The following KLRD1 variants were observed in gnomAD, a reference collection of about 807,000 sequenced individuals.
KLRD1 encodes the protein killer cell lectin like receptor D1.
Under a neutral mutation model 22.6 loss-of-function variants are expected in KLRD1, and 21 were observed. That is an observed-to-expected ratio of 0.93 (90% CI 0.66 to 1.34). KLRD1 has a LOEUF of 1.34. Ranked by LOEUF, KLRD1 falls within the 40% of genes most tolerant of loss-of-function variation. The pLI, the probability that KLRD1 is intolerant of heterozygous loss-of-function variation, is 0.00. For missense variants in KLRD1, 183 were observed against 208.6 expected, an observed-to-expected ratio of 0.88 and a Z score of 0.76; for synonymous variants, 59 against 71.1, an observed-to-expected ratio of 0.83 and a Z score of 0.85.
At chr12:10,279,602 G>A (rs937587486) in intron 1 of KLRD1, among the ~76,000 whole-genome samples, 7 of 151,964 alleles carry the variant, frequency 4.6e-5, no homozygotes, top group Admixed American at 3.9e-4. Context: ...TACAAATTAC[G>A]TTACCTAAAT....
At chr12:10,239,496 C>A (rs1949218024) in intron 1 of KLRD1, among the ~76,000 whole-genome samples, 1 of 134,622 alleles carries the variant, frequency 7.4e-6, no homozygotes, top group African/African-American at 2.7e-5. Context: ...TTCCTTCCTT[C>A]CTTCCTTCCC....
At chr12:10,314,315 T>G (rs1950170822) in intron 5 of KLRD1, among the ~76,000 whole-genome samples, 1 of 152,236 alleles carries the variant, frequency 6.6e-6, no homozygotes, top group Admixed American at 6.5e-5. Flanking sequence ...ACATGAGATT[T>G]GCAGCATCAC....
intron 1 of KLRD1, among the ~76,000 whole-genome samples, chr12:10,274,698 T>C (rs1949577448): frequency 6.6e-6 from 1 of 152,318 alleles, no homozygotes; most frequent in Middle Eastern, 3.4e-3. Context: ...TAAGTAGACA[T>C]TAAATATATC....
At chr12:10,285,197 T>C (rs1403728638) in intron 1 of KLRD1, among the ~76,000 whole-genome samples, 1 of 152,220 alleles carries the variant, frequency 6.6e-6, no homozygotes, top group Admixed American at 6.5e-5. Flanking sequence ...TTCTGTATTT[T>C]CAAAATTCTT....
rs1565479533 is a variant in KLRD1, at chr12:10,324,828, A to ATATATATATATATATATATATG, written c.*10050_*10051insATATATGTATATATATATATAT. ...TATATGTGTGTGTGTGTATATATAT[A>ATATATATATATATATATATATG]TATATATATATATATTCATTTACAC... On this transcript the variant is annotated 3_prime_UTR_variant, in exon 6 of 6. Coordinates refer to ENST00000336164, the MANE Select transcript of KLRD1 (RefSeq NM_002262.5). 1 of 138,796 alleles carries ATATATATATATATATATATATG rather than the reference A, an allele frequency of 7.2e-6. No homozygotes were observed. The highest frequency in any genetic ancestry group is 2.6e-5 in the African/African-American group (1 of 38,842). 8.6% of individuals were successfully genotyped at this position (138,796 alleles called of 1,614,324 possible).
At chr12:10,300,895 T>A (rs1197722804), upstream of KLRD1, among the ~76,000 whole-genome samples, 1 of 152,238 alleles carries the variant, frequency 6.6e-6, no homozygotes, top group African/African-American at 2.4e-5. Context: ...CCTCTTTCCT[T>A]AAACTTCATG....
intron 1 of KLRD1, among the ~76,000 whole-genome samples, chr12:10,278,439 C>A (rs561096030): frequency 6.6e-6 from 1 of 152,256 alleles, no homozygotes; most frequent in South Asian, 2.1e-4. Flanking sequence ...CTGTAGGCAT[C>A]TGGTATTGTT....
At chr12:10,307,418 A>G (rs34818305), upstream of KLRD1, among the ~76,000 whole-genome samples, 6,052 of 152,200 alleles carry the variant, frequency 0.04, 418 homozygotes, top group African/African-American at 0.14. Context: ...AGAGTGAGAC[A>G]TGGAAATCCC....
At chr12:10,255,261 G>C (rs1405027193) in intron 1 of KLRD1, among the ~76,000 whole-genome samples, 6 of 152,144 alleles carry the variant, frequency 3.9e-5, no homozygotes, top group South Asian at 4.1e-4. Context: ...ATTCATTGTA[G>C]CTAAAGGTTT....
In KLRD1 at chr12:10,323,602, C is replaced by G. The variant is rs1003282325; in HGVS notation, c.*8809C>G. 1.3e-5 allele frequency: 2 copies of G among 151,840 alleles called. No individual in the cohort carries two copies. Among genetic ancestry groups the G allele is most frequent in the African/African-American group, 4.8e-5 (2 of 41,310 alleles). The allele number at this position is 151,840 out of a possible 1,614,324, so 9.4% of individuals were successfully genotyped here. On this transcript the variant is annotated 3_prime_UTR_variant, in exon 6 of 6. Coordinates refer to ENST00000336164, the MANE Select transcript of KLRD1 (RefSeq NM_002262.5). ...TTCCATATCTATGCATCTGTGAAACCATCACCTCAGCAATATATAAAACAC... is the reference window on the plus strand; with the variant it reads ...TTCCATATCTATGCATCTGTGAAACGATCACCTCAGCAATATATAAAACAC...
intron 1 of KLRD1, among the ~76,000 whole-genome samples, chr12:10,294,995 A>T (rs185091995): frequency 6.6e-6 from 1 of 152,306 alleles, no homozygotes; most frequent in African/African-American, 2.4e-5. Flanking sequence ...TGGAAGGTTA[A>T]ATGAGGAGAG....
chr12:10,247,006 C>T (rs1447915972), intron 1 of KLRD1, among the ~76,000 whole-genome samples: 1 of 148,460 alleles, frequency 6.7e-6, no homozygotes, highest in Non-Finnish European at 1.5e-5. Context: ...GATCTCGGCT[C>T]ACTGCAACCT....
At chr12:10,270,576 G>A (rs895121700) in intron 1 of KLRD1, among the ~76,000 whole-genome samples, 1 of 152,164 alleles carries the variant, frequency 6.6e-6, no homozygotes, top group Non-Finnish European at 1.5e-5. Flanking sequence ...TGGGAGCACC[G>A]TGCTGTGGGA....
intron 1 of KLRD1, 25 bp downstream of exon 1, chr12:10,308,109 T>C (rs1375293141): frequency 1.9e-5 from 30 of 1,606,766 alleles, no homozygotes; most frequent in Non-Finnish European, 2.4e-5. Flanking sequence ...AGTCACTAAA[T>C]TAAAAATAAC....
At position 10,239,518 on chromosome 12, in the gene KLRD1, C is replaced by CCTTTCTTT. The variant is rs55671846; in HGVS notation, c.-101+13346_-101+13353dup. ...CTTCCTTCCTTCCCTCCTTCCCTCC[C>CCTTTCTTT]CTTTCTTTCTTTCTTTCTTTCTTTC... On this transcript the variant is annotated intron_variant, in intron 1 of 5. Coordinates refer to the KLRD1 transcript ENST00000544747. Among the ~76,000 whole-genome samples, 567 of 59,424 alleles carry CCTTTCTTT rather than the reference C, an allele frequency of 9.5e-3. 9 individuals are homozygous for CCTTTCTTT. The highest frequency in any genetic ancestry group is 0.013 in the Admixed American group (53 of 4,000). The allele number at this position is 59,424 out of a possible 152,430, so 39.0% of individuals were successfully genotyped here.
At chr12:10,286,208 T>C (rs1949701058) in intron 1 of KLRD1, among the ~76,000 whole-genome samples, 1 of 152,184 alleles carries the variant, frequency 6.6e-6, no homozygotes, top group Non-Finnish European at 1.5e-5. Flanking sequence ...AGTGTACTGA[T>C]GACTGAGGTC....
intron 1 of KLRD1, among the ~76,000 whole-genome samples, chr12:10,242,765 G>T (rs1488540441): frequency 6.6e-6 from 1 of 151,950 alleles, no homozygotes; most frequent in Non-Finnish European, 1.5e-5. Flanking sequence ...ATCTTATTGT[G>T]GTTTTAATTT....
intron 3 of KLRD1, among the ~76,000 whole-genome samples, chr12:10,310,240 C>T (rs778214671): frequency 6.6e-5 from 10 of 152,160 alleles, no homozygotes; most frequent in Non-Finnish European, 1.5e-4. Flanking sequence ...CTGCCTCAGC[C>T]TCCCAAGTAG....
chr12:10,260,412 G>C (rs1284868408), intron 1 of KLRD1, among the ~76,000 whole-genome samples: 1 of 151,744 alleles, frequency 6.6e-6, no homozygotes, highest in Non-Finnish European at 1.5e-5. Flanking sequence ...GAGTTCATAA[G>C]CCTTTGATAG....
Sources: allele counts gnomAD v4.1 joint callset (sites outside exome capture counted in the v4.1 genomes callset), GRCh38; gene constraint gnomAD v4.1.1; transcripts MANE v1.5; gene names NCBI Gene and HGNC (gene_info 2026-07-23, HGNC 2026-07-21).